ZBTB20: variants seen among roughly 807,000 people sequenced by gnomAD.
ZBTB20 encodes zinc finger and BTB domain containing 20.
A neutral mutation model predicts 56.9 loss-of-function variants in ZBTB20; 9 were observed. The ratio of observed to expected loss-of-function variants is 0.16; its 90% CI spans 0.10 to 0.28. The LOEUF (loss-of-function observed/expected upper bound fraction) is 0.28. ZBTB20 is among the 10% of genes least tolerant of loss of function. The probability of loss-of-function intolerance (pLI) is 1.00; values close to 1 mark genes in which losing one functional copy is unlikely to be tolerated. For missense variants in ZBTB20, 655 were observed against 1,003.0 expected (o/e 0.65, Z 4.69); for synonymous variants, 417 against 420.7 (o/e 0.99, Z 0.11).
rs911031521 is a variant in ZBTB20, at chr3:114,339,783, G to A, written c.1805-357C>T. On this transcript the variant is annotated intron_variant, in intron 11 of 11. Coordinates refer to ENST00000675478, the MANE Select transcript of ZBTB20 (RefSeq NM_001348800.3). This position sits in a 1 kb window ranked among gnomAD's most constrained non-coding sequence, Gnocchi z 4.2. Reference sequence around the variant, plus strand: ...GTCACTTTCAGTGTCCTGATTAGGGGATTTAGTGTTTCCCATTAACATTAT... The same window carrying A: ...GTCACTTTCAGTGTCCTGATTAGGGAATTTAGTGTTTCCCATTAACATTAT... Among the ~76,000 whole-genome samples, 1 of 152,172 alleles carries A rather than the reference G, an allele frequency of 6.6e-6. No homozygotes were observed. The highest frequency in any genetic ancestry group is 2.4e-5 in the African/African-American group (1 of 41,452).
chr3:114,957,693 C>A (rs1444235329), intron 3 of ZBTB20, among the ~76,000 whole-genome samples: 1 of 152,192 alleles, frequency 6.6e-6, no homozygotes, highest in Non-Finnish European at 1.5e-5. Context: ...GTGACAACCA[C>A]ACATTTTAAA....
intron 6 of ZBTB20, among the ~76,000 whole-genome samples, chr3:114,614,907 G>GCCA (rs2057821553): frequency 6.6e-6 from 1 of 152,098 alleles, no homozygotes; most frequent in East Asian, 1.9e-4. Context: ...ATAGGTGTGT[G>GCCA]CCACCACATC....
At chr3:114,406,696 G>A (rs2087361728) in intron 7 of ZBTB20, among the ~76,000 whole-genome samples, 1 of 152,076 alleles carries the variant, frequency 6.6e-6, no homozygotes, top group African/African-American at 2.4e-5. Context: ...CTTCTAAGGT[G>A]TTTGTACTGA....
chr3:114,756,569 A>C (rs1470100588), intron 5 of ZBTB20, among the ~76,000 whole-genome samples: 5 of 152,202 alleles, frequency 3.3e-5, no homozygotes, highest in African/African-American at 1.2e-4. Context: ...TTTTTTACTT[A>C]GAGTCTTCAA....
intron 7 of ZBTB20, among the ~76,000 whole-genome samples, chr3:114,393,695 T>C (rs1018998038): frequency 6.6e-6 from 1 of 152,168 alleles, no homozygotes; most frequent in South Asian, 2.1e-4. Flanking sequence ...GTGTACTCGG[T>C]TTTTAAGTCA....
intron 4 of ZBTB20, among the ~76,000 whole-genome samples, chr3:114,831,993 T>G (rs1158242530): frequency 6.6e-6 from 1 of 152,144 alleles, no homozygotes; most frequent in African/African-American, 2.4e-5. Context: ...TGTTTATATC[T>G]GTTGACATTT....
chr3:114,676,814 C>T (rs574979459), intron 6 of ZBTB20, among the ~76,000 whole-genome samples: 10 of 136,920 alleles, frequency 7.3e-5, no homozygotes, highest in African/African-American at 1.4e-4. Context: ...GTCACTCTGT[C>T]GCCAGGCTGG....
chr3:115,009,129 C>G (rs2079593105), intron 2 of ZBTB20, among the ~76,000 whole-genome samples: 1 of 151,732 alleles, frequency 6.6e-6, no homozygotes, highest in African/African-American at 2.4e-5. Flanking sequence ...TCTTCTGTTT[C>G]TTGGATAATG....
chr3:115,132,574 TTC>T (rs2084537986), intron 1 of ZBTB20, among the ~76,000 whole-genome samples: 1 of 152,182 alleles, frequency 6.6e-6, no homozygotes, highest in Non-Finnish European at 1.5e-5. Context: ...CTTGTTTAGT[TTC>T]TGTTGTTAAT....
Position 114,316,151 on chromosome 3 carries a change from G to C in ZBTB20, c.*22854C>G. The C allele has an allele frequency of 4.0e-6, 1 of 247,090 alleles. No homozygotes were observed. Among genetic ancestry groups the C allele is most frequent in the Non-Finnish European group, 7.8e-6 (1 of 128,412 alleles). 15.3% of individuals were successfully genotyped at this position (247,090 alleles called of 1,614,324 possible). A position where few individuals can be genotyped will look rare whatever the true frequency, so the allele number is the denominator to read the frequency against. On this transcript the variant is annotated 3_prime_UTR_variant, in exon 12 of 12. Coordinates refer to ENST00000675478, the MANE Select transcript of ZBTB20 (RefSeq NM_001348800.3). ...AAAATGTTTTTCATAGCCAGAAACT[G>C]AAATCAAATCAACATGACTAAAAGA...
intron 7 of ZBTB20, among the ~76,000 whole-genome samples, chr3:114,486,823 C>T (rs1009249569): frequency 2.0e-5 from 3 of 152,086 alleles, no homozygotes; most frequent in African/African-American, 4.8e-5. Context: ...TTTAGCCTAT[C>T]GAAGTGTGAG....
intron 11 of ZBTB20, 95 bp downstream of exon 11, chr3:114,350,179 G>A: frequency 6.7e-7 from 1 of 1,492,756 alleles, no homozygotes; most frequent in African/African-American, 1.4e-5. Context: ...TCTGAAAGAT[G>A]ATCCCAAACC....
At chr3:114,537,626 C>A (rs1333847012) in intron 6 of ZBTB20, among the ~76,000 whole-genome samples, 1 of 152,108 alleles carries the variant, frequency 6.6e-6, no homozygotes, top group South Asian at 2.1e-4. Flanking sequence ...CCCAGCGATC[C>A]CATTACTGAG....
intron 3 of ZBTB20, among the ~76,000 whole-genome samples, chr3:114,908,405 C>G (rs2075399567): frequency 1.3e-5 from 2 of 151,998 alleles, no homozygotes; most frequent in Admixed American, 1.3e-4. Flanking sequence ...TTATCCAGCT[C>G]AGTAATAACC....
At chr3:114,387,681 C>A (rs898929579) in intron 8 of ZBTB20, 3 of 152,180 alleles carry the variant, frequency 2.0e-5, no homozygotes, top group Non-Finnish European at 4.4e-5. Context: ...CATAGTTACT[C>A]TGTGATGAAG....
chr3:114,360,346 T>C (rs2081696346), intron 10 of ZBTB20, among the ~76,000 whole-genome samples: 6 of 1,036 alleles, frequency 5.8e-3, no homozygotes, highest in South Asian at 0.083. Flanking sequence ...AAGATTTTCT[T>C]TTTTTTTTTT....
chr3:115,083,226 T>C (rs2082860490), intron 1 of ZBTB20, among the ~76,000 whole-genome samples: 1 of 152,086 alleles, frequency 6.6e-6, no homozygotes, highest in Non-Finnish European at 1.5e-5. Flanking sequence ...CATATGTCCT[T>C]CATTAGGAAT....
chr3:114,657,446 G>T (rs77352581), intron 6 of ZBTB20, among the ~76,000 whole-genome samples: 6,887 of 152,218 alleles, frequency 0.045, 192 homozygotes, highest in Non-Finnish European at 0.067. Context: ...TAGCTTTCTA[G>T]TTGTTGCTTT....
chr3:114,848,592 T>C (rs1286344420), intron 4 of ZBTB20, among the ~76,000 whole-genome samples: 1 of 152,198 alleles, frequency 6.6e-6, no homozygotes, highest in South Asian at 2.1e-4. Context: ...TCAGTGTCTC[T>C]ACATGTAGTT....
Sources: allele counts gnomAD v4.1 joint callset (sites outside exome capture counted in the v4.1 genomes callset), GRCh38; gene constraint gnomAD v4.1.1; non-coding constraint Gnocchi (gnomAD v3.1); transcripts MANE v1.5; gene names NCBI Gene and HGNC (gene_info 2026-07-23, HGNC 2026-07-21).